The following CTDNEP1 variants were observed in gnomAD, a reference collection of about 807,000 sequenced individuals.
CTDNEP1 encodes the protein CTD nuclear envelope phosphatase 1, also known as C-terminal domain nuclear envelope phosphatase 1.
In CTDNEP1, 3 loss-of-function variants were observed where a neutral mutation model predicts 30.1. That is an observed-to-expected ratio of 0.10 (90% CI 0.05 to 0.26). The LOEUF is 0.26. Ranked by LOEUF, CTDNEP1 falls within the 10% of genes least tolerant of loss-of-function variation. The pLI is 1.00. For synonymous variants in CTDNEP1, 123 were observed against 118.8 expected (o/e 1.04, Z -0.23); for missense variants, 158 against 310.4 (o/e 0.51, Z 3.69).
chr17:7,249,709 G>A (rs1376511949), intron 1 of CTDNEP1, among the ~76,000 whole-genome samples: 1 of 152,148 alleles, frequency 6.6e-6, no homozygotes, highest in African/African-American at 2.4e-5. Context: ...TCAGGAGTTT[G>A]AGACCATCCT....
At chr17:7,251,106 C>T in intron 1 of CTDNEP1, 89 bp downstream of exon 1, 3 of 887,728 alleles carry the variant, frequency 3.4e-6, no homozygotes, top group South Asian at 3.8e-5. Context: ...AACAGAGGCC[C>T]GACACTCCGA....
rs116643498 is a variant in CTDNEP1, at chr17:7,250,443, G to A, written c.102+752C>T. 1.0e-3 allele frequency among the ~76,000 whole-genome samples: 152 copies of A among 152,218 alleles called. 1 individual carries two copies. Among genetic ancestry groups the A allele is most frequent in the African/African-American group, 3.4e-3 (143 of 41,526 alleles). On this transcript the variant is annotated intron_variant, in intron 1 of 7. Transcript: ENST00000574322. ...CCGGACAGTTTCCCTCAGAATGCTA[G>A]GCTCTCCTGGAGAAGCAAACGTCCT... is the stretch of plus-strand genomic sequence containing the variant.
At chr17:7,244,684 C>CGGT in intron 6 of CTDNEP1, 49 bp from the exon 7 acceptor site, 1 of 1,361,756 alleles carries the variant, frequency 7.3e-7, no homozygotes, top group Non-Finnish European at 1.0e-6. Context: ...TCAAGAGAGA[C>CGGT]GGTGTTTTTC....
chr17:7,246,746 A>C lies in CTDNEP1; in HGVS notation c.360+45T>G, dbSNP rs762781267. The C allele has an allele frequency of 2.6e-6, 4 of 1,532,370 alleles. No homozygotes were observed. In the Admixed American group the frequency reaches 6.8e-5, roughly 26 times the overall value. The allele number at this position is 1,532,370 out of a possible 1,614,324, so 94.9% of individuals were successfully genotyped here. A position where few individuals can be genotyped will look rare whatever the true frequency, so the allele number is the denominator to read the frequency against. ...TCCTCCCAATTCCCAGAGCCCTAAA[A>C]CCATTCCTTCATTACAGAGCTCCCT... On this transcript the variant is annotated intron_variant, in intron 4 of 7. Coordinates refer to ENST00000574322, the MANE Select transcript of CTDNEP1 (RefSeq NM_001143775.2). This position sits in a 1 kb window ranked among gnomAD's most constrained non-coding sequence, Gnocchi z 4.9.
Position 7,246,837 on chromosome 17 carries a change from C to T in CTDNEP1, c.314G>A (p.Arg105Gln), listed in dbSNP as rs1220622434. The T allele has an allele frequency of 6.2e-7, 1 of 1,614,028 alleles. No individual in the cohort carries two copies. Among genetic ancestry groups the T allele is most frequent in the Non-Finnish European group, 8.5e-7 (1 of 1,179,958 alleles). Residue 105 changes from arginine to glutamine, a missense_variant, in exon 4 of 8, where the codon CGG (arginine) becomes CAG (glutamine). This residue lies in a region of CTDNEP1 where 96 missense variants were observed against 229.1 expected (regional missense o/e 0.42). Coordinates refer to ENST00000574322, the MANE Select transcript of CTDNEP1 (RefSeq NM_001143775.2). The surrounding 1 kb of genome is among the most constrained non-coding windows in gnomAD (Gnocchi z 4.9). ...LKVVIDKHPV[R>Q]FFVHKRPHVD... ...ATGGGGCCTCTTATGTACAAAAAAC[C>T]GGACAGGATGTTTGTCTATTACCAC... is the stretch of plus-strand genomic sequence containing the variant.
Position 7,247,268 on chromosome 17 carries a change from C to T in CTDNEP1, c.169+9G>A. ...TCACCCTAAAGGAGGCTTCCCACCA[C>T]ATACTTACCTAGCCGATTCCGGGAC... On this transcript the variant is annotated intron_variant, in intron 2 of 7. Transcript: ENST00000574322. The T allele has an allele frequency of 6.2e-7, 1 of 1,613,842 alleles. No homozygotes were observed.
At chr17:7,247,382 G>C (rs1452714826) in intron 1 of CTDNEP1, 39 bp from the exon 2 acceptor site, 11 of 1,546,300 alleles carry the variant, frequency 7.1e-6, no homozygotes, top group Non-Finnish European at 9.8e-6. Context: ...CCCTTGATAA[G>C]GAAGCCTTCC....
upstream of CTDNEP1, chr17:7,251,964 C>G (rs895657547): frequency 7.5e-5 from 12 of 160,428 alleles, no homozygotes; most frequent in Admixed American, 7.2e-4. Context: ...CGCCATTTTA[C>G]CGTCCAAAGG....
Position 7,248,259 on chromosome 17 carries a change from CAAAAAAAAAAA to C in CTDNEP1, c.103-927_103-917del, listed in dbSNP as rs755835552. On this transcript the variant is annotated intron_variant, in intron 1 of 7. Coordinates refer to ENST00000574322, the MANE Select transcript of CTDNEP1 (RefSeq NM_001143775.2). ...CTGGTGACAGAGCAAGACTCCGTCG[CAAAAAAAAAAA>C]AAAAAAAAAAAAAAAAAGTAGAATC... is the stretch of plus-strand genomic sequence containing the variant. Among the ~76,000 whole-genome samples, 90 of 15,406 alleles carry C rather than the reference CAAAAAAAAAAA, an allele frequency of 5.8e-3. 1 individual carries two copies. Among genetic ancestry groups the C allele is most frequent in the South Asian group, 0.048 (8 of 166 alleles). The allele number at this position is 15,406 out of a possible 152,430, so 10.1% of individuals were successfully genotyped here.
chr17:7,251,407 G>T lies in CTDNEP1; in HGVS notation c.-111C>A, dbSNP rs2142999495. ...GGGGAACGGGGGCCCCGAGTGGCAG[G>T]AGAGGCTGCAGAGAGGGGCACGGAG... On this transcript the variant is annotated 5_prime_UTR_variant, in exon 1 of 8. Transcript: ENST00000574322. 1.5e-6 allele frequency: 1 copy of T among 647,982 alleles called. No homozygotes were observed. The highest frequency in any genetic ancestry group is 3.6e-5 in the East Asian group (1 of 27,664). 40.1% of individuals were successfully genotyped at this position (647,982 alleles called of 1,614,324 possible). A position where few individuals can be genotyped will look rare whatever the true frequency, so the allele number is the denominator to read the frequency against.
At position 7,243,595 on chromosome 17, in the gene CTDNEP1, G is replaced by C. The variant is rs933013815; in HGVS notation, c.*590C>G. 1 of 152,578 alleles carries C rather than the reference G, an allele frequency of 6.6e-6. No individual in the cohort carries two copies. The highest frequency in any genetic ancestry group is 6.5e-5 in the Admixed American group (1 of 15,296). The allele number at this position is 152,578 out of a possible 1,614,324, so 9.5% of individuals were successfully genotyped here. On this transcript the variant is annotated 3_prime_UTR_variant, in exon 8 of 8. Transcript: ENST00000574322. ...CAGAGAAGGACCTAAGGCCGCTTTG[G>C]TTTCAAAGTTATAATGCATGGTTTA...
At chr17:7,244,270 G>A (rs375451153) in intron 7 of CTDNEP1, 25 bp from the exon 8 acceptor site, 37 of 1,612,644 alleles carry the variant, frequency 2.3e-5, no homozygotes, top group Admixed American at 1.0e-4. Flanking sequence ...ACTTGCATTG[G>A]TAGAGTACCT....
At chr17:7,251,056 G>A in intron 1 of CTDNEP1, 139 bp downstream of exon 1, 1 of 583,872 alleles carries the variant, frequency 1.7e-6, no homozygotes, top group Non-Finnish European at 2.9e-6. Context: ...CCAATTCTCT[G>A]GCGAGAAAAG....
chr17:7,244,666 A>C (rs2071814650), intron 6 of CTDNEP1, 31 bp from the exon 7 acceptor site: 2 of 1,482,942 alleles, frequency 1.3e-6, no homozygotes, highest in Non-Finnish European at 1.8e-6. Flanking sequence ...GATGAGAAGA[A>C]ACAGAATTCA....
rs1243876669 is a variant in CTDNEP1, at chr17:7,243,978, GAAGTT to G, written c.*202_*206del. On this transcript the variant is annotated 3_prime_UTR_variant, in exon 8 of 8. Coordinates refer to ENST00000574322, the MANE Select transcript of CTDNEP1 (RefSeq NM_001143775.2). ...TGGGGTTTCCATGGAGTGTGAACACGAAGTTAAGAGTGAGGCTGCTTCAGAGCCCC... is the reference window on the plus strand; with the variant it reads ...TGGGGTTTCCATGGAGTGTGAACACGAAGAGTGAGGCTGCTTCAGAGCCCC... The G allele has an allele frequency of 2.9e-6, 4 of 1,387,492 alleles. No individual in the cohort carries two copies. Among genetic ancestry groups the G allele is most frequent in the African/African-American group, 1.5e-5 (1 of 68,708 alleles). The allele number at this position is 1,387,492 out of a possible 1,614,324, so 85.9% of individuals were successfully genotyped here.
chr17:7,244,050 T>A lies in CTDNEP1; in HGVS notation c.*135A>T. 4 of 1,475,778 alleles carry A rather than the reference T, an allele frequency of 2.7e-6. No individual in the cohort carries two copies. In the Admixed American group the frequency reaches 8.6e-5, roughly 32 times the overall value. 91.4% of individuals were successfully genotyped at this position (1,475,778 alleles called of 1,614,324 possible). On this transcript the variant is annotated 3_prime_UTR_variant, in exon 8 of 8. Transcript: ENST00000574322. Reference sequence around the variant, plus strand: ...CCAGACTCCAAGTGGAGTGTAGGGCTCCCAGGGCAGAGAGGGGTGGGAGGG... The same window carrying A: ...CCAGACTCCAAGTGGAGTGTAGGGCACCCAGGGCAGAGAGGGGTGGGAGGG...
intron 1 of CTDNEP1, 124 bp from the exon 2 acceptor site, chr17:7,247,467 CTTCTTTT>C: frequency 1.5e-6 from 1 of 672,404 alleles, no homozygotes. Flanking sequence ...CTTATTTCTT[CTTCTTTT>C]TTTTTTTTTT....
intron 6 of CTDNEP1, 139 bp from the exon 7 acceptor site, chr17:7,244,774 T>C (rs2071815655): frequency 1.5e-6 from 1 of 645,990 alleles, no homozygotes; most frequent in South Asian, 2.0e-5. Context: ...AGTAAAACTT[T>C]CCTGGTTTAT....
intron 7 of CTDNEP1, 103 bp downstream of exon 7, chr17:7,244,448 G>A (rs1395977694): frequency 7.7e-7 from 1 of 1,290,808 alleles, no homozygotes. Flanking sequence ...AAATTCTTAA[G>A]GGAACAGAGT....
Sources: gnomAD v4.1 joint callset for allele counts (sites outside exome capture counted in the v4.1 genomes callset) on GRCh38, gnomAD v4.1.1 for gene constraint, gnomAD v4.1.1 regional missense constraint, Gnocchi (gnomAD v3.1) non-coding constraint, MANE v1.5 for transcripts, NCBI Gene and HGNC (gene_info 2026-07-23, HGNC 2026-07-21) for gene names.